Variants in DENND4A observed in about 807,000 individuals in gnomAD.
The protein encoded by DENND4A is DENN domain containing 4A.
Under a neutral mutation model 199.3 loss-of-function variants are expected in DENND4A, and 70 were observed. The ratio of observed to expected loss-of-function variants is 0.35; its 90% CI spans 0.29 to 0.43. DENND4A has a LOEUF of 0.43. DENND4A is among the 20% of genes least tolerant of loss of function. DENND4A has a pLI of 1.00. For missense variants in DENND4A, 1,723 were observed against 2,255.8 expected (o/e 0.76, Z 4.78); for synonymous variants, 686 against 766.9 (o/e 0.89, Z 1.74).
At position 65,676,144 on chromosome 15, in the gene DENND4A, ATAT is replaced by A. The variant is rs1566991350; in HGVS notation, c.4369+298_4369+300del. 8.3e-5 allele frequency among the ~76,000 whole-genome samples: 11 copies of A among 133,004 alleles called. 1 individual carries two copies. Among genetic ancestry groups the A allele is most frequent in the African/African-American group, 3.0e-4 (10 of 33,866 alleles). 87.3% of individuals were successfully genotyped at this position (133,004 alleles called of 152,430 possible). A position where few individuals can be genotyped will look rare whatever the true frequency, so the allele number is the denominator to read the frequency against. ...AGACAGGGAAGTAATAAGGAAAAATATATATATATATATATATATATACCTATA... is the reference window on the plus strand; with the variant it reads ...AGACAGGGAAGTAATAAGGAAAAATAATATATATATATATATATACCTATA... On this transcript the variant is annotated intron_variant, in intron 24 of 32. Coordinates refer to ENST00000443035, the MANE Select transcript of DENND4A (RefSeq NM_001320835.1).
intron 23 of DENND4A, among the ~76,000 whole-genome samples, chr15:65,677,037 G>A (rs1331719412): frequency 6.6e-6 from 1 of 152,032 alleles, no homozygotes; most frequent in Admixed American, 6.6e-5. Flanking sequence ...TGAGAACACT[G>A]AAGTTAAATC....
intron 22 of DENND4A, among the ~76,000 whole-genome samples, chr15:65,693,704 T>C (rs1189725994): frequency 1.3e-5 from 2 of 151,872 alleles, no homozygotes; most frequent in Non-Finnish European, 2.9e-5. Context: ...AAGTCTTCCC[T>C]AACAACCCCA....
chr15:65,731,742 G>A, intron 8 of DENND4A, 42 bp from the exon 9 acceptor site: 1 of 1,409,916 alleles, frequency 7.1e-7, no homozygotes, highest in East Asian at 2.5e-5. Flanking sequence ...ACATAAAGAT[G>A]AACTTTAAAA....
At position 65,756,403 on chromosome 15, in the gene DENND4A, T is replaced by C. The variant is rs2076701290; in HGVS notation, c.48A>G (p.Ala16=). Residue 16 remains alanine (A), a synonymous_variant, in exon 3 of 33, where the codon GCA becomes GCG. Coordinates refer to ENST00000443035, the MANE Select transcript of DENND4A (RefSeq NM_001320835.1). ...GAGGCTTTGAAACATCAGTTAATCC[T>C]GCTACAACAAAGTAGTCAGCAACAC... ...GPRVADYFVV[A]GLTDVSKPLE... The C allele has an allele frequency of 6.2e-7, 1 of 1,613,550 alleles. No individual in the cohort carries two copies.
At position 65,676,643 on chromosome 15, in the gene DENND4A, A is replaced by G; in HGVS notation, c.4180-9T>C. On this transcript the variant is annotated splice_polypyrimidine_tract_variant and intron_variant, in intron 23 of 32. Coordinates refer to ENST00000443035, the MANE Select transcript of DENND4A (RefSeq NM_001320835.1). ...CGATCAGAACTTTGATCCTAAGGAC[A>G]TAATTATAAGCTTAATTTCTTGTAC... The G allele has an allele frequency of 6.2e-7, 1 of 1,602,068 alleles. No homozygotes were observed. The highest frequency in any genetic ancestry group is 8.5e-7 in the Non-Finnish European group (1 of 1,174,098).
chr15:65,702,551 C>T (rs1225197091), intron 16 of DENND4A, 40 bp from the exon 17 acceptor site: 9 of 1,480,430 alleles, frequency 6.1e-6, no homozygotes, highest in Non-Finnish European at 8.3e-6. Context: ...AATTTATGCA[C>T]TTAGGCATCT....
At chr15:65,757,690 G>A (rs761872241) in intron 2 of DENND4A, among the ~76,000 whole-genome samples, 5 of 152,032 alleles carry the variant, frequency 3.3e-5, no homozygotes, top group Admixed American at 6.5e-5. Context: ...TAATAAAAGC[G>A]CTCTCAGGTT....
At chr15:65,762,523 G>A (rs1184486744) in intron 1 of DENND4A, among the ~76,000 whole-genome samples, 3 of 152,032 alleles carry the variant, frequency 2.0e-5, no homozygotes, top group Non-Finnish European at 4.4e-5. Context: ...CAGCTACTCA[G>A]GAGACTGAGG....
intron 23 of DENND4A, among the ~76,000 whole-genome samples, chr15:65,683,410 C>T (rs1181809103): frequency 2.6e-5 from 4 of 152,056 alleles, no homozygotes; most frequent in Non-Finnish European, 4.4e-5. Flanking sequence ...TTATTACTTC[C>T]TTCTTCCTAC....
intron 14 of DENND4A, among the ~76,000 whole-genome samples, chr15:65,712,691 A>G (rs568327716): frequency 1.3e-5 from 2 of 151,910 alleles, no homozygotes; most frequent in East Asian, 2.0e-4. Flanking sequence ...CAATTTATGA[A>G]TATCAAGGGA....
Position 65,701,112 on chromosome 15 carries a change from T to C in DENND4A, c.2640A>G (p.Gly880=). 1 of 1,610,764 alleles carries C rather than the reference T, an allele frequency of 6.2e-7. No individual in the cohort carries two copies. The highest frequency in any genetic ancestry group is 8.5e-7 in the Non-Finnish European group (1 of 1,178,642). ...LWTKVRNVVL[G]VTQFKRALKK... is the part of the protein sequence containing the mutation. ...TTAAAGCTCTTTTGAACTGTGTTAC[T>C]CCTAAAACAACATTTCTTACTTTTG... Residue 880 remains glycine, a synonymous_variant, in exon 19 of 33, where the codon GGA becomes GGG. Transcript: ENST00000443035.
At chr15:65,687,725 G>A (rs2076838425) in intron 23 of DENND4A, among the ~76,000 whole-genome samples, 1 of 152,126 alleles carries the variant, frequency 6.6e-6, no homozygotes, top group African/African-American at 2.4e-5. Flanking sequence ...AAGTGCATGG[G>A]TACATTCAAA....
At chr15:65,769,011 CAA>C (rs931558957) in intron 1 of DENND4A, among the ~76,000 whole-genome samples, 1 of 139,552 alleles carries the variant, frequency 7.2e-6, no homozygotes, top group African/African-American at 2.6e-5. Flanking sequence ...AACCAAAAAA[CAA>C]AAAAAAAAAC....
At chr15:65,723,273 A>G (rs1567046455) in intron 11 of DENND4A, among the ~76,000 whole-genome samples, 1 of 152,164 alleles carries the variant, frequency 6.6e-6, no homozygotes, top group Non-Finnish European at 1.5e-5. Context: ...TCTCCATTTA[A>G]GTGTGCTTAG....
At chr15:65,734,580 C>G (rs142608632) in intron 7 of DENND4A, among the ~76,000 whole-genome samples, 13 of 152,072 alleles carry the variant, frequency 8.5e-5, no homozygotes, top group African/African-American at 3.1e-4. Context: ...TTCCACCTAA[C>G]GAGAAACACC....
chr15:65,681,743 T>C (rs1421688513), intron 23 of DENND4A, among the ~76,000 whole-genome samples: 1 of 152,100 alleles, frequency 6.6e-6, no homozygotes, highest in Non-Finnish European at 1.5e-5. Flanking sequence ...ACCCAGCTAA[T>C]TTTTTGTAGA....
intron 23 of DENND4A, among the ~76,000 whole-genome samples, chr15:65,680,127 C>A (rs2076522082): frequency 6.6e-6 from 1 of 152,152 alleles, no homozygotes; most frequent in African/African-American, 2.4e-5. Flanking sequence ...CTTAAGTAGT[C>A]TTTTAATTTA....
chr15:65,671,439 G>T (rs2076214730), intron 25 of DENND4A, among the ~76,000 whole-genome samples: 1 of 152,160 alleles, frequency 6.6e-6, no homozygotes, highest in African/African-American at 2.4e-5. Flanking sequence ...GCCCAGGCTA[G>T]AGTGCAGTGG....
intron 29 of DENND4A, among the ~76,000 whole-genome samples, chr15:65,666,739 A>C (rs1355194492): frequency 6.7e-6 from 1 of 149,230 alleles, no homozygotes; most frequent in Non-Finnish European, 1.5e-5. Context: ...TGACCACACC[A>C]CTGCACTCCA....
Sources: allele counts gnomAD v4.1 joint callset (sites outside exome capture counted in the v4.1 genomes callset), GRCh38; gene constraint gnomAD v4.1.1; transcripts MANE v1.5; gene names NCBI Gene and HGNC (gene_info 2026-07-23, HGNC 2026-07-21).